SRGAP2B: variants seen among roughly 807,000 people sequenced by gnomAD.
The protein encoded by SRGAP2B is SLIT-ROBO Rho GTPase-activating protein 2B.
SRGAP2B carries 9 observed loss-of-function variants against 22.2 expected under a neutral mutation model. That is an observed-to-expected ratio of 0.41 (90% confidence interval 0.24 to 0.71). The LOEUF (loss-of-function observed/expected upper bound fraction) is 0.71, where lower values mean the gene tolerates loss of function less well. Among genes scored for constraint, SRGAP2B ranks in the 30% least tolerant of loss-of-function variants. The pLI is 0.35. For missense variants in SRGAP2B, 114 were observed against 235.8 expected, an observed-to-expected ratio of 0.48 and a Z score of 3.38; for synonymous variants, 36 against 87.4, an observed-to-expected ratio of 0.41 and a Z score of 3.28.
chr1:145,026,350 C>T lies in SRGAP2B; in HGVS notation c.68-31150G>A, dbSNP rs1371448444. 4.2e-4 allele frequency among the ~76,000 whole-genome samples: 14 copies of T among 33,128 alleles called. No homozygotes were observed. The East Asian group carries it at 6.3e-3, about 15-fold the overall frequency. 21.7% of individuals were successfully genotyped at this position (33,128 alleles called of 152,430 possible). A position where few individuals can be genotyped will look rare whatever the true frequency, so the allele number is the denominator to read the frequency against. On this transcript the variant is annotated intron_variant, in intron 2 of 9. Transcript: ENST00000612199. ...TGCCACTGCACTCCAGCCTGGGTGACGGAGCGAGACTCCATCAAAAAAGAG... is the reference window on the plus strand; with the variant it reads ...TGCCACTGCACTCCAGCCTGGGTGATGGAGCGAGACTCCATCAAAAAAGAG...
Position 144,940,474 on chromosome 1 carries a change from G to T in SRGAP2B, c.423+14965C>A, listed in dbSNP as rs1296891735. ...ACAACGAGATTTTTAATTGCTTCTAGATGTACAAGAACATAGTCCAGGGGA... is the reference window on the plus strand; with the variant it reads ...ACAACGAGATTTTTAATTGCTTCTATATGTACAAGAACATAGTCCAGGGGA... On this transcript the variant is annotated intron_variant, in intron 4 of 9. Coordinates refer to ENST00000612199, the Ensembl canonical transcript of SRGAP2B. Among the ~76,000 whole-genome samples, 2 of 150,018 alleles carry T rather than the reference G, an allele frequency of 1.3e-5. 1 individual carries two copies. The highest frequency in any genetic ancestry group is 5.0e-5 in the African/African-American group (2 of 39,742).
intron 3 of SRGAP2B, among the ~76,000 whole-genome samples, chr1:144,975,868 C>CTTTTTTT (rs56268353): frequency 1.1e-4 from 3 of 27,338 alleles, no homozygotes; most frequent in Non-Finnish European, 1.7e-4. Context: ...GTTAGTAATT[C>CTTTTTTT]TTTTTTTTTT....
intron 3 of SRGAP2B, among the ~76,000 whole-genome samples, chr1:144,992,161 C>T (rs1363694787): frequency 6.6e-6 from 1 of 150,430 alleles, no homozygotes; most frequent in African/African-American, 2.5e-5. Context: ...TGCAGCTTCA[C>T]TCCTGAGCCA....
At chr1:144,979,557 C>CA (rs1354460592) in intron 3 of SRGAP2B, among the ~76,000 whole-genome samples, 3 of 143,406 alleles carry the variant, frequency 2.1e-5, no homozygotes, top group African/African-American at 8.2e-5. Context: ...TGTCCCCCCC[C>CA]AAATCTCATG....
chr1:144,963,482 CA>C (rs1434718670), intron 3 of SRGAP2B, among the ~76,000 whole-genome samples: 1 of 137,118 alleles, frequency 7.3e-6, no homozygotes, highest in South Asian at 2.7e-4. Flanking sequence ...GTTGGATCCA[CA>C]AAGTCCATAG....
At chr1:144,984,192 T>G (rs1361268865) in intron 3 of SRGAP2B, among the ~76,000 whole-genome samples, 7 of 150,268 alleles carry the variant, frequency 4.7e-5, no homozygotes, top group Admixed American at 6.6e-5. Flanking sequence ...TCGTGGCGCA[T>G]GCCTGTAATC....
chr1:144,964,757 T>C (rs1553611850), intron 3 of SRGAP2B, among the ~76,000 whole-genome samples: 1 of 150,650 alleles, frequency 6.6e-6, no homozygotes, highest in East Asian at 1.9e-4. Context: ...TCACCTGTTT[T>C]AAAAAGTAAA....
chr1:144,903,869 TG>T (rs1662791047), intron 7 of SRGAP2B, among the ~76,000 whole-genome samples: 1 of 148,578 alleles, frequency 6.7e-6, no homozygotes, highest in South Asian at 2.1e-4. Context: ...CTTTGATGAC[TG>T]GAAGGAGAGG....
At chr1:144,981,143 A>G (rs1400460138) in intron 3 of SRGAP2B, among the ~76,000 whole-genome samples, 1 of 149,660 alleles carries the variant, frequency 6.7e-6, no homozygotes, top group African/African-American at 2.5e-5. Context: ...CAATAAGATG[A>G]CACAGCTTTT....
At chr1:144,962,498 C>T (rs1156841726) in intron 3 of SRGAP2B, among the ~76,000 whole-genome samples, 3 of 107,578 alleles carry the variant, frequency 2.8e-5, no homozygotes, top group African/African-American at 7.7e-5. Flanking sequence ...GACCAAGGTT[C>T]TTGTGGGTTA....
At chr1:145,030,724 A>G (rs1226774235) in intron 2 of SRGAP2B, among the ~76,000 whole-genome samples, 2 of 34,166 alleles carry the variant, frequency 5.9e-5, no homozygotes, top group African/African-American at 1.5e-4. Flanking sequence ...AAAAAAAAAT[A>G]TATATATATA....
intron 3 of SRGAP2B, among the ~76,000 whole-genome samples, chr1:144,984,332 A>AAAC (rs1202934958): frequency 0.38 from 45,451 of 118,088 alleles, 9,479 homozygotes; most frequent in East Asian, 0.47. Flanking sequence ...AAAAAAACCC[A>AAAC]AACAACAACA....
At chr1:144,965,275 G>A (rs1667993023) in intron 3 of SRGAP2B, 4 of 448,586 alleles carry the variant, frequency 8.9e-6, no homozygotes, top group Non-Finnish European at 1.7e-5. Context: ...GGTTCTCCCA[G>A]CACGCAGCTG....
intron 5 of SRGAP2B, among the ~76,000 whole-genome samples, chr1:144,912,019 C>G (rs1274714602): frequency 7.9e-6 from 1 of 126,806 alleles, no homozygotes; most frequent in Non-Finnish European, 1.7e-5. Flanking sequence ...GGCACGATCT[C>G]GGCTCACTGC....
intron 2 of SRGAP2B, among the ~76,000 whole-genome samples, chr1:145,076,092 A>G (rs1347952114): frequency 1.3e-5 from 2 of 150,598 alleles, no homozygotes; most frequent in Non-Finnish European, 3.0e-5. Flanking sequence ...TTAAATGATC[A>G]GTCCAAAGGG....
At position 144,932,273 on chromosome 1, in the gene SRGAP2B, T is replaced by C. The variant is rs587748218; in HGVS notation, c.424-17519A>G. Among the ~76,000 whole-genome samples, 1,206 of 150,306 alleles carry C rather than the reference T, an allele frequency of 8.0e-3. 78 individuals carry two copies. The highest frequency in any genetic ancestry group is 0.028 in the African/African-American group (1,132 of 40,004). On this transcript the variant is annotated intron_variant, in intron 4 of 9. Transcript: ENST00000612199. ...TCTCTGGCATGTGTGGAGCTGCAGG[T>C]CACGGCCATATTTAACAAGAACATT...
rs372233048 is a variant in SRGAP2B at position 144,999,643 on chromosome 1, C to T, written c.68-4443G>A. Among the ~76,000 whole-genome samples the T allele has an allele frequency of 8.7e-5, 13 of 149,368 alleles. 1 individual carries two copies. The South Asian group carries it at 1.3e-3, about 15-fold the overall frequency. ...TCTAAGATTTAAAAATCATCAATAG[C>T]GGAAAGAAATCACATAACAGGGCTA... On this transcript the variant is annotated intron_variant, in intron 2 of 9. Coordinates refer to ENST00000612199, the Ensembl canonical transcript of SRGAP2B.
rs1416925430 is a variant in SRGAP2B, at chr1:144,940,976, C to T, written c.423+14463G>A. On this transcript the variant is annotated intron_variant, in intron 4 of 9. Transcript: ENST00000612199. ...GTTAAATGAAAAAAATTACACTAAGCTTAATATATAATGTAACTCTCATTT... is the reference window on the plus strand; with the variant it reads ...GTTAAATGAAAAAAATTACACTAAGTTTAATATATAATGTAACTCTCATTT... Among the ~76,000 whole-genome samples, 2 of 149,050 alleles carry T rather than the reference C, an allele frequency of 1.3e-5. 1 individual carries two copies. The highest frequency in any genetic ancestry group is 5.1e-5 in the African/African-American group (2 of 39,428).
chr1:144,965,965 A>G (rs1188177886), intron 3 of SRGAP2B, among the ~76,000 whole-genome samples: 2 of 150,878 alleles, frequency 1.3e-5, no homozygotes, highest in Non-Finnish European at 2.9e-5. Flanking sequence ...GAAATGAGCA[A>G]AGCCTCCAAT....
Sources: allele counts gnomAD v4.1 joint callset (sites outside exome capture counted in the v4.1 genomes callset), GRCh38; gene constraint gnomAD v4.1.1; transcripts MANE v1.5; gene names NCBI Gene and HGNC (gene_info 2026-07-23, HGNC 2026-07-21).